The following PSMG2 variants were observed in gnomAD, a reference collection of about 807,000 sequenced individuals.
The protein encoded by PSMG2 is proteasome assembly chaperone 2, also known as CD40 ligand-activated specific transcript 3.
A neutral mutation model predicts 31.5 loss-of-function variants in PSMG2; 21 were observed. The ratio of observed to expected loss-of-function variants is 0.67; its 90% confidence interval spans 0.47 to 0.96. The LOEUF is 0.96. PSMG2 is among the 40% of genes least tolerant of loss of function. The probability of loss-of-function intolerance (pLI) is 0.00; values close to 1 mark genes in which losing one functional copy is unlikely to be tolerated. For synonymous variants in PSMG2, 120 were observed against 110.4 expected (o/e 1.09, Z -0.54); for missense variants, 318 against 321.2 (o/e 0.99, Z 0.08).
At position 12,703,240 on chromosome 18, in the gene PSMG2, G is replaced by C. The variant is rs2040217854; in HGVS notation, c.57+76G>C. ...GTCGCCACCCCGACGCGGGGTGTTT[G>C]GCGGTGCCTTGGGAGAAATAGGGCA... On this transcript the variant is annotated intron_variant, in intron 1 of 6. Coordinates refer to ENST00000317615, the MANE Select transcript of PSMG2 (RefSeq NM_020232.5). 4 of 1,467,482 alleles carry C rather than the reference G, an allele frequency of 2.7e-6. No homozygotes were observed. In the Admixed American group the frequency reaches 8.6e-5, roughly 32 times the overall value. 90.9% of individuals were successfully genotyped at this position (1,467,482 alleles called of 1,614,324 possible). A position where few individuals can be genotyped will look rare whatever the true frequency, so the allele number is the denominator to read the frequency against.
At chr18:12,671,296 C>CA (rs2144967497) in intron 1 of PSMG2, among the ~76,000 whole-genome samples, 1 of 152,132 alleles carries the variant, frequency 6.6e-6, no homozygotes, top group East Asian at 1.9e-4. Context: ...AAAACGAAAT[C>CA]ATTTTATTTG....
chr18:12,722,484 G>A (rs565556518), intron 5 of PSMG2, among the ~76,000 whole-genome samples: 4 of 152,310 alleles, frequency 2.6e-5, no homozygotes, highest in Admixed American at 1.3e-4. Context: ...TCAGAGTCCA[G>A]GGGTCTGTTT....
At chr18:12,703,625 G>A (rs2040225450) in intron 1 of PSMG2, among the ~76,000 whole-genome samples, 1 of 152,206 alleles carries the variant, frequency 6.6e-6, no homozygotes, top group African/African-American at 2.4e-5. Flanking sequence ...TTTTAATAAA[G>A]TCTGTTATGT....
chr18:12,664,139 T>C (rs2038756255), intron 1 of PSMG2, among the ~76,000 whole-genome samples: 1 of 151,592 alleles, frequency 6.6e-6, no homozygotes, highest in African/African-American at 2.4e-5. Flanking sequence ...CACTCCAGTC[T>C]GGGCAACCAG....
chr18:12,706,613 A>G lies in PSMG2; in HGVS notation c.121A>G (p.Met41Val), dbSNP rs1315107623. The G allele has an allele frequency of 6.2e-7, 1 of 1,614,126 alleles. No individual in the cohort carries two copies. The highest frequency in any genetic ancestry group is 1.7e-5 in the Admixed American group (1 of 60,004). ...GGATCTGATTATTTCTACACTGAAT[A>G]TGTCTAAGATTGGTTACTTCTATAC... is the stretch of plus-strand genomic sequence containing the variant. ...AMDLIISTLNMSKIGYFYTDC... is the reference protein window; with the variant it reads ...AMDLIISTLNVSKIGYFYTDC... The change falls in exon 2 of 7, where the codon ATG (methionine) becomes GTG (valine). Residue 41 changes from methionine to valine, a missense_variant. Coordinates refer to ENST00000317615, the MANE Select transcript of PSMG2 (RefSeq NM_020232.5).
At chr18:12,697,249 C>G (rs772374234) in intron 1 of PSMG2, 2 of 1,613,374 alleles carry the variant, frequency 1.2e-6, no homozygotes, top group South Asian at 2.2e-5. Flanking sequence ...CACAGTCAGA[C>G]TGGTCACTCC....
intron 1 of PSMG2, chr18:12,678,467 T>A: frequency 6.8e-7 from 1 of 1,464,130 alleles, no homozygotes; most frequent in South Asian, 1.3e-5. Flanking sequence ...TAATTTTATA[T>A]ATGAGAACTT....
At chr18:12,663,767 TTGTG>T (rs2038747904) in intron 1 of PSMG2, among the ~76,000 whole-genome samples, 2 of 152,222 alleles carry the variant, frequency 1.3e-5, no homozygotes, top group South Asian at 4.1e-4. Context: ...TCCTGATTGA[TTGTG>T]TGTATGTGTA....
chr18:12,721,785 C>CT (rs1568045908), intron 5 of PSMG2, among the ~76,000 whole-genome samples: 1 of 151,288 alleles, frequency 6.6e-6, no homozygotes. Flanking sequence ...ATTTGATTTG[C>CT]TTTTTTTTCT....
chr18:12,688,173 G>A (rs1370307896), intron 1 of PSMG2, among the ~76,000 whole-genome samples: 1 of 146,662 alleles, frequency 6.8e-6, no homozygotes, highest in African/African-American at 2.5e-5. Flanking sequence ...GGAGCTTGCA[G>A]TGAGCCGAGA....
chr18:12,706,964 T>A (rs376275448), intron 2 of PSMG2, among the ~76,000 whole-genome samples: 3 of 147,628 alleles, frequency 2.0e-5, no homozygotes, highest in African/African-American at 5.0e-5. Flanking sequence ...TTTTTTTTTT[T>A]ATTATTTTTG....
chr18:12,703,965 C>T (rs1036103437), intron 1 of PSMG2, among the ~76,000 whole-genome samples: 3 of 152,160 alleles, frequency 2.0e-5, no homozygotes, highest in Non-Finnish European at 4.4e-5. Context: ...GCTGTAGGCC[C>T]TGTGAACCCA....
chr18:12,686,530 A>T, intron 1 of PSMG2: 1 of 1,052,462 alleles, frequency 9.5e-7, no homozygotes, highest in East Asian at 2.4e-5. Flanking sequence ...TTAATGTAGG[A>T]TAAAATAATT....
At chr18:12,705,402 CA>C (rs919894292) in intron 1 of PSMG2, among the ~76,000 whole-genome samples, 4 of 151,910 alleles carry the variant, frequency 2.6e-5, no homozygotes, top group Non-Finnish European at 4.4e-5. Context: ...AAAATTTGGG[CA>C]AAAGTTTATA....
chr18:12,714,484 T>C (rs2145143486), intron 3 of PSMG2, among the ~76,000 whole-genome samples: 1 of 147,470 alleles, frequency 6.8e-6, no homozygotes, highest in East Asian at 2.0e-4. Flanking sequence ...CAATCCTTTC[T>C]TCCTTTTTTT....
intron 1 of PSMG2, among the ~76,000 whole-genome samples, chr18:12,667,240 C>T (rs1020523082): frequency 2.0e-5 from 3 of 152,092 alleles, no homozygotes; most frequent in African/African-American, 7.2e-5. Flanking sequence ...TGAGGAGGAT[C>T]GCTTGAGGCC....
At chr18:12,676,279 CTTTTTTT>C (rs1157897766) in intron 1 of PSMG2, among the ~76,000 whole-genome samples, 1 of 106,404 alleles carries the variant, frequency 9.4e-6, no homozygotes. Context: ...ACAGTAATTC[CTTTTTTT>C]TTTTTTTTTT....
At position 12,725,631 on chromosome 18, in the gene PSMG2, T is replaced by G. The variant is rs2040470134; in HGVS notation, c.*100T>G. 1 of 758,968 alleles carries G rather than the reference T, an allele frequency of 1.3e-6. No individual in the cohort carries two copies. Among genetic ancestry groups the G allele is most frequent in the Admixed American group, 3.4e-5 (1 of 29,532 alleles). 47.0% of individuals were successfully genotyped at this position (758,968 alleles called of 1,614,324 possible). On this transcript the variant is annotated 3_prime_UTR_variant, in exon 7 of 7. Transcript: ENST00000317615. ...ATTGTATGATCTGGTATTAGGAAATTACTTTCACAGTAAATATCAAAGAAA... is the reference window on the plus strand; with the variant it reads ...ATTGTATGATCTGGTATTAGGAAATGACTTTCACAGTAAATATCAAAGAAA...
At chr18:12,691,763 T>C (rs2039772368) in intron 1 of PSMG2, among the ~76,000 whole-genome samples, 1 of 151,558 alleles carries the variant, frequency 6.6e-6, no homozygotes, top group Non-Finnish European at 1.5e-5. Flanking sequence ...TCGCCCAGGC[T>C]GGAGTGCAGT....
Sources: gnomAD v4.1 joint callset for allele counts (sites outside exome capture counted in the v4.1 genomes callset) on GRCh38, gnomAD v4.1.1 for gene constraint, MANE v1.5 for transcripts, NCBI Gene and HGNC (gene_info 2026-07-23, HGNC 2026-07-21) for gene names.